The following CCSER1 variants were observed in gnomAD, a reference collection of about 807,000 sequenced individuals.
CCSER1 encodes the protein coiled-coil serine rich protein 1.
In CCSER1, 41 loss-of-function variants were observed where a neutral mutation model predicts 82.0. The observed-to-expected ratio is 0.50, with a 90% confidence interval of 0.39 to 0.65. The LOEUF is 0.65. Among genes scored for constraint, CCSER1 ranks in the 30% least tolerant of loss-of-function variants. CCSER1 has a pLI of 0.00. For missense variants in CCSER1, 1,119 were observed against 1,064.2 expected (o/e 1.05, Z -0.72); for synonymous variants, 414 against 383.9 (o/e 1.08, Z -0.92).
At chr4:90,540,597 G>T (rs759117520) in intron 5 of CCSER1, among the ~76,000 whole-genome samples, 6 of 152,018 alleles carry the variant, frequency 3.9e-5, no homozygotes, top group Non-Finnish European at 8.8e-5. Context: ...AAATGCCCAT[G>T]GAGAAGAGAC....
chr4:91,379,303 T>C (rs1002966968), intron 10 of CCSER1, among the ~76,000 whole-genome samples: 21 of 152,172 alleles, frequency 1.4e-4, no homozygotes, highest in African/African-American at 4.3e-4. Context: ...TTTCTATTGA[T>C]TGGAATAGTT....
rs535053555 is a variant in CCSER1 at position 90,490,270 on chromosome 4, C to T, written c.1724+21916C>T. 3.4e-4 allele frequency among the ~76,000 whole-genome samples: 51 copies of T among 152,208 alleles called. 1 individual carries two copies. The South Asian group carries it at 6.6e-3, about 20-fold the overall frequency. On this transcript the variant is annotated intron_variant, in intron 5 of 10. Transcript: ENST00000509176. The stretch of plus-strand genomic sequence containing the variant: ...TTTTGATTTGCATATCTCTGATGGT[C>T]GGTGATGATGAGCATTTTTTCATGT...
intron 9 of CCSER1, among the ~76,000 whole-genome samples, chr4:91,046,579 C>A (rs1021723935): frequency 7.9e-5 from 12 of 152,142 alleles, no homozygotes; most frequent in African/African-American, 2.7e-4. Context: ...AGAAAGGTTT[C>A]TTTCTCATTC....
At chr4:91,549,280 A>G (rs1233367090) in intron 10 of CCSER1, among the ~76,000 whole-genome samples, 2 of 151,968 alleles carry the variant, frequency 1.3e-5, no homozygotes, top group Admixed American at 6.6e-5. Flanking sequence ...ACTTTTTCTA[A>G]TAAAGATCTT....
At chr4:90,818,475 G>A (rs1486786943) in intron 8 of CCSER1, among the ~76,000 whole-genome samples, 2 of 151,874 alleles carry the variant, frequency 1.3e-5, no homozygotes, top group East Asian at 1.9e-4. Flanking sequence ...ACGAGGTTTC[G>A]CCATGTTGGC....
At chr4:91,081,899 C>A (rs1181449546) in intron 9 of CCSER1, among the ~76,000 whole-genome samples, 2 of 152,084 alleles carry the variant, frequency 1.3e-5, no homozygotes, top group Non-Finnish European at 2.9e-5. Flanking sequence ...AACCACTGCT[C>A]AATGAAACAA....
At chr4:91,388,203 T>G (rs1252668864) in intron 10 of CCSER1, among the ~76,000 whole-genome samples, 1 of 152,056 alleles carries the variant, frequency 6.6e-6, no homozygotes, top group African/African-American at 2.4e-5. Context: ...TTTTGAACAT[T>G]GGTATTTATT....
chr4:90,225,878 C>A (rs920552009), intron 1 of CCSER1, among the ~76,000 whole-genome samples: 1 of 152,194 alleles, frequency 6.6e-6, no homozygotes, highest in Admixed American at 6.5e-5. Context: ...GAAGTGGGAT[C>A]TATTTTTCCT....
chr4:91,582,581 G>A (rs1055518045), intron 10 of CCSER1, among the ~76,000 whole-genome samples: 1 of 151,530 alleles, frequency 6.6e-6, no homozygotes, highest in African/African-American at 2.4e-5. Context: ...TTTGTGTGTA[G>A]GAGTCAGATT....
chr4:91,225,448 C>T (rs1221260314), intron 10 of CCSER1, among the ~76,000 whole-genome samples: 2 of 145,024 alleles, frequency 1.4e-5, no homozygotes, highest in African/African-American at 2.5e-5. Flanking sequence ...TTTAAGACTG[C>T]AAATTATAAA....
intron 5 of CCSER1, among the ~76,000 whole-genome samples, chr4:90,538,231 A>G (rs777898656): frequency 6.6e-6 from 1 of 152,070 alleles, no homozygotes; most frequent in African/African-American, 2.4e-5. Context: ...AGGAGACATG[A>G]TGCTCTGGGA....
intron 6 of CCSER1, among the ~76,000 whole-genome samples, chr4:90,684,070 C>T (rs1734371024): frequency 6.6e-6 from 1 of 152,096 alleles, no homozygotes; most frequent in Non-Finnish European, 1.5e-5. Flanking sequence ...TTTGAATTAA[C>T]GGCCTCACAT....
chr4:90,802,712 C>T (rs941031667), intron 7 of CCSER1, among the ~76,000 whole-genome samples: 4 of 151,992 alleles, frequency 2.6e-5, no homozygotes, highest in Non-Finnish European at 5.9e-5. Context: ...GAGTATATAC[C>T]TCCACTGATT....
rs1024938126 is a variant in CCSER1, at chr4:90,826,507, G to A, written c.2094+10662G>A. 7.9e-5 allele frequency among the ~76,000 whole-genome samples: 12 copies of A among 152,150 alleles called. No homozygotes were observed. The South Asian group carries it at 8.3e-4, about 11-fold the overall frequency. Reference sequence around the variant, plus strand: ...TTAATAACAACAGCCACTAGCTACTGAGCTCCTAACCTTTGACAGGTACTG... The same window carrying A: ...TTAATAACAACAGCCACTAGCTACTAAGCTCCTAACCTTTGACAGGTACTG... On this transcript the variant is annotated intron_variant, in intron 8 of 10. Transcript: ENST00000509176.
chr4:90,865,373 C>T (rs577705709), intron 8 of CCSER1, among the ~76,000 whole-genome samples: 1 of 152,054 alleles, frequency 6.6e-6, no homozygotes, highest in South Asian at 2.1e-4. Flanking sequence ...TTTGTTTAGT[C>T]AGAGGTGACC....
At chr4:91,497,565 A>C (rs1335068545) in intron 10 of CCSER1, among the ~76,000 whole-genome samples, 1 of 151,824 alleles carries the variant, frequency 6.6e-6, no homozygotes, top group Non-Finnish European at 1.5e-5. Flanking sequence ...ATGGCTTTAC[A>C]AGAGTTTTTG....
At chr4:91,050,471 T>C (rs1226753030) in intron 9 of CCSER1, among the ~76,000 whole-genome samples, 2 of 152,018 alleles carry the variant, frequency 1.3e-5, no homozygotes, top group Admixed American at 6.6e-5. Context: ...TTTAATAAGC[T>C]TTCTTTGTGT....
chr4:90,984,799 ACAGT>A (rs1314261544), intron 9 of CCSER1, among the ~76,000 whole-genome samples: 3 of 151,860 alleles, frequency 2.0e-5, no homozygotes, highest in Non-Finnish European at 2.9e-5. Context: ...CACTCTTTCT[ACAGT>A]CAGACTTAGT....
intron 10 of CCSER1, among the ~76,000 whole-genome samples, chr4:91,284,838 A>G (rs1265427069): frequency 6.6e-6 from 1 of 152,140 alleles, no homozygotes; most frequent in Non-Finnish European, 1.5e-5. Flanking sequence ...ATTGGCAGAA[A>G]AAAACATATG....
Sources: gnomAD v4.1 joint callset for allele counts (sites outside exome capture counted in the v4.1 genomes callset) on GRCh38, gnomAD v4.1.1 for gene constraint, MANE v1.5 for transcripts, NCBI Gene and HGNC (gene_info 2026-07-23, HGNC 2026-07-21) for gene names.